HMCN1: variants seen among roughly 807,000 people sequenced by gnomAD.
HMCN1 encodes the protein hemicentin-1.
HMCN1 carries 321 observed loss-of-function variants against 625.9 expected under a neutral mutation model. That is an observed-to-expected ratio of 0.51 (90% CI 0.47 to 0.56). HMCN1 has a LOEUF of 0.56. Among genes scored for constraint, HMCN1 ranks in the 20% least tolerant of loss-of-function variants. The pLI is 0.00. For synonymous variants in HMCN1, 2,425 were observed against 2,417.6 expected (o/e 1.00, Z -0.09); for missense variants, 6,588 against 6,887.3 (o/e 0.96, Z 1.54).
chr1:185,850,875 TCA>T (rs1662121614), intron 2 of HMCN1, among the ~76,000 whole-genome samples: 1 of 152,170 alleles, frequency 6.6e-6, no homozygotes, highest in Admixed American at 6.5e-5. Context: ...CTTTTTCCCT[TCA>T]TTCAACATTA....
At chr1:185,854,244 C>T (rs891213667) in intron 2 of HMCN1, among the ~76,000 whole-genome samples, 1 of 152,084 alleles carries the variant, frequency 6.6e-6, no homozygotes, top group Non-Finnish European at 1.5e-5. Context: ...TCTATCCAAA[C>T]TGGGTAGGAG....
chr1:185,956,536 G>C (rs1328332504), intron 11 of HMCN1, among the ~76,000 whole-genome samples: 1 of 152,186 alleles, frequency 6.6e-6, no homozygotes, highest in African/African-American at 2.4e-5. Context: ...AAGTGGCACA[G>C]AGCTTCACAC....
At chr1:185,830,299 G>A (rs538520755) in intron 1 of HMCN1, among the ~76,000 whole-genome samples, 48 of 152,170 alleles carry the variant, frequency 3.2e-4, no homozygotes, top group East Asian at 3.9e-4. Context: ...TGCTTTTGGC[G>A]TTTTTGTCAT....
chr1:186,188,040 T>C (rs1432175486), intron 106 of HMCN1, 31 bp downstream of exon 106: 1 of 1,613,358 alleles, frequency 6.2e-7, no homozygotes, highest in South Asian at 1.1e-5. Flanking sequence ...CCAGACATGC[T>C]TTTGAAAATC....
Position 186,137,936 on chromosome 1 carries a change from G to T in HMCN1, c.13888G>T (p.Val4630Leu). 1 of 1,613,984 alleles carries T rather than the reference G, an allele frequency of 6.2e-7. No individual in the cohort carries two copies. Among genetic ancestry groups the T allele is most frequent in the South Asian group, 1.1e-5 (1 of 91,076 alleles). Residue 4630 changes from valine (V) to leucine (L), a missense_variant, in exon 89 of 107, where the codon GTG (valine) becomes TTG (leucine). Coordinates refer to ENST00000271588, the MANE Select transcript of HMCN1 (RefSeq NM_031935.3). Reference sequence around the variant, plus strand: ...TGGGCGGCCATGTGAAGGGAATGCTGTGGAAATAATTATGTGCAACATTAG... The same window carrying T: ...TGGGCGGCCATGTGAAGGGAATGCTTTGGAAATAATTATGTGCAACATTAG... ...HGGRPCEGNA[V>L]EIIMCNIRPC...
At chr1:186,093,033 A>G in intron 64 of HMCN1, 101 bp from the exon 65 acceptor site, 1 of 1,524,720 alleles carries the variant, frequency 6.6e-7, no homozygotes, top group Non-Finnish European at 9.1e-7. Flanking sequence ...GGTTGCTTGA[A>G]TTTTCCATCA....
intron 80 of HMCN1, among the ~76,000 whole-genome samples, chr1:186,120,628 T>C (rs771294548): frequency 6.6e-6 from 1 of 152,238 alleles, no homozygotes; most frequent in East Asian, 1.9e-4. Context: ...TTGCATGCAC[T>C]GCTTTTGCAA....
At chr1:186,033,001 A>G (rs2102205226) in intron 36 of HMCN1, among the ~76,000 whole-genome samples, 1 of 152,228 alleles carries the variant, frequency 6.6e-6, no homozygotes, top group Non-Finnish European at 1.5e-5. Flanking sequence ...TTGCAAAGAT[A>G]TGGAACCAAC....
At chr1:185,789,710 A>G (rs760029340) in intron 1 of HMCN1, among the ~76,000 whole-genome samples, 1 of 152,220 alleles carries the variant, frequency 6.6e-6, no homozygotes, top group Non-Finnish European at 1.5e-5. Context: ...CTGTGATTAC[A>G]TTAGATGTAC....
rs761139497 is a variant in HMCN1 at position 186,145,532 on chromosome 1, C to G, written c.14396C>G (p.Pro4799Arg). 7.4e-6 allele frequency: 12 copies of G among 1,614,070 alleles called. 1 individual carries two copies. The East Asian group carries it at 2.5e-4, about 33-fold the overall frequency. Residue 4799 changes from proline (P) to arginine (R), a missense_variant, in exon 92 of 107, where the codon CCA (proline) becomes CGA (arginine). By Grantham distance (103) the Pro-to-Arg change is moderately radical. This residue lies in a region of HMCN1 where 1,954 missense variants were observed against 2,013.1 expected (regional missense o/e 0.97). Transcript: ENST00000271588. ...AATGGGGGAAGAGCTTGTGGGGGACCAGACTCCCAGATCCAGAGGTGCAAC... is the reference window on the plus strand; with the variant it reads ...AATGGGGGAAGAGCTTGTGGGGGACGAGACTCCCAGATCCAGAGGTGCAAC... ...PSNGGRACGG[P>R]DSQIQRCNTD...
chr1:185,858,713 A>ACTG (rs980864205), intron 2 of HMCN1, among the ~76,000 whole-genome samples: 1 of 143,326 alleles, frequency 7.0e-6, no homozygotes, highest in African/African-American at 2.6e-5. Context: ...GGCCTTCCAA[A>ACTG]CTGCTGAGAT....
chr1:185,850,774 C>CT lies in HMCN1; in HGVS notation c.339+4688dup, dbSNP rs374934045. 1.7e-4 allele frequency among the ~76,000 whole-genome samples: 26 copies of CT among 149,104 alleles called. No individual in the cohort carries two copies. In the South Asian group the frequency reaches 2.5e-3, roughly 15 times the overall value. On this transcript the variant is annotated intron_variant, in intron 2 of 106. Coordinates refer to ENST00000271588, the MANE Select transcript of HMCN1 (RefSeq NM_031935.3). The stretch of plus-strand genomic sequence containing the variant: ...GACAGGCTTTATCTTATGGGATTTT[C>CT]TTTTTTTTTTCTCCCCTTTTCTGCA...
intron 47 of HMCN1, among the ~76,000 whole-genome samples, chr1:186,062,192 G>A (rs1389115626): frequency 6.6e-6 from 1 of 152,138 alleles, no homozygotes; most frequent in Non-Finnish European, 1.5e-5. Flanking sequence ...ATTCTGAGAG[G>A]CTGAATGACT....
intron 1 of HMCN1, among the ~76,000 whole-genome samples, chr1:185,840,316 A>C (rs2102307153): frequency 6.6e-6 from 1 of 152,348 alleles, no homozygotes; most frequent in East Asian, 1.9e-4. Flanking sequence ...AATCCTTTGA[A>C]TATGTATATT....
intron 1 of HMCN1, among the ~76,000 whole-genome samples, chr1:185,750,974 C>T (rs1654775302): frequency 6.6e-6 from 1 of 152,026 alleles, no homozygotes; most frequent in Admixed American, 6.6e-5. Context: ...CCTTAGGGGG[C>T]TTTATTCTGA....
chr1:186,111,932 G>A (rs1420863556), intron 71 of HMCN1, among the ~76,000 whole-genome samples: 3 of 152,156 alleles, frequency 2.0e-5, no homozygotes, highest in Non-Finnish European at 4.4e-5. Flanking sequence ...TCATACGGTA[G>A]AGAAATCTTA....
At chr1:185,853,598 A>T (rs1263174971) in intron 2 of HMCN1, among the ~76,000 whole-genome samples, 1 of 152,136 alleles carries the variant, frequency 6.6e-6, no homozygotes, top group Non-Finnish European at 1.5e-5. Context: ...TCCCCAGAGA[A>T]CAAGGAATAG....
intron 1 of HMCN1, among the ~76,000 whole-genome samples, chr1:185,814,013 C>T (rs968347285): frequency 1.3e-5 from 2 of 152,050 alleles, no homozygotes. Flanking sequence ...CATGTAAGCA[C>T]GTTTAGCTTA....
chr1:185,879,225 C>T (rs943613030), intron 4 of HMCN1, among the ~76,000 whole-genome samples: 1 of 152,140 alleles, frequency 6.6e-6, no homozygotes, highest in African/African-American at 2.4e-5. Context: ...GGCTAGAGTG[C>T]AGTGTTGTGA....
Sources: gnomAD v4.1 joint callset for allele counts (sites outside exome capture counted in the v4.1 genomes callset) on GRCh38, gnomAD v4.1.1 for gene constraint, gnomAD v4.1.1 regional missense constraint, MANE v1.5 for transcripts, NCBI Gene and HGNC (gene_info 2026-07-23, HGNC 2026-07-21) for gene names.